ZNF609: variants seen among roughly 807,000 people sequenced by gnomAD.
The protein encoded by ZNF609 is zinc finger protein 609.
Under a neutral mutation model 109.5 loss-of-function variants are expected in ZNF609, and 11 were observed. The observed-to-expected ratio is 0.10, with a 90% confidence interval of 0.06 to 0.17. The LOEUF (loss-of-function observed/expected upper bound fraction) is 0.17, where lower values mean the gene tolerates loss of function less well. ZNF609 is among the 10% of genes least tolerant of loss of function. ZNF609 has a pLI of 1.00. For missense variants in ZNF609, 1,559 were observed against 1,772.4 expected (o/e 0.88, Z 2.16); for synonymous variants, 646 against 662.0 (o/e 0.98, Z 0.37).
intron 2 of ZNF609, among the ~76,000 whole-genome samples, chr15:64,540,694 G>C (rs756737715): frequency 3.9e-4 from 59 of 151,568 alleles, no homozygotes; most frequent in Non-Finnish European, 7.5e-4. Context: ...GTGAGATACC[G>C]TGTCCGGCCA....
intron 3 of ZNF609, among the ~76,000 whole-genome samples, chr15:64,625,608 G>A (rs1254537769): frequency 6.6e-6 from 1 of 151,872 alleles, no homozygotes; most frequent in Non-Finnish European, 1.5e-5. Context: ...ATATCTAGAG[G>A]AGCCGGGTGC....
chr15:64,642,416 C>T (rs1896275505), intron 3 of ZNF609, among the ~76,000 whole-genome samples: 1 of 152,078 alleles, frequency 6.6e-6, no homozygotes. Flanking sequence ...AGCTCCTGTC[C>T]TCAAGTGATC....
At chr15:64,550,567 C>T (rs887166725) in intron 2 of ZNF609, among the ~76,000 whole-genome samples, 4 of 151,860 alleles carry the variant, frequency 2.6e-5, no homozygotes, top group Non-Finnish European at 5.9e-5. Flanking sequence ...GAATAGATGA[C>T]CAGGCACAGT....
rs1224316586 is a variant in ZNF609 at position 64,675,559 on chromosome 15, G to C, written c.2705G>C (p.Ser902Thr). ...GGCTTTGAGAGTTACTATTCTCCAAGTTATGCACAGTCCAGCCCTGGGGCT... is the reference window on the plus strand; with the variant it reads ...GGCTTTGAGAGTTACTATTCTCCAACTTATGCACAGTCCAGCCCTGGGGCT... The part of the protein sequence containing the change: ...YQGFESYYSP[S>T]YAQSSPGALN... Residue 902 changes from serine to threonine, a missense_variant, in exon 5 of 10, where the codon AGT (serine) becomes ACT (threonine). Ser to Thr is a moderately conservative substitution (Grantham distance 58). Transcript: ENST00000326648. The C allele has an allele frequency of 3.7e-6, 6 of 1,614,214 alleles. No individual in the cohort carries two copies. Among genetic ancestry groups the C allele is most frequent in the East Asian group, 4.5e-5 (2 of 44,890 alleles).
At chr15:64,478,491 C>G (rs1893203944) in intron 1 of ZNF609, among the ~76,000 whole-genome samples, 1 of 152,080 alleles carries the variant, frequency 6.6e-6, no homozygotes, top group South Asian at 2.1e-4. Flanking sequence ...CTGCCTCAGC[C>G]TTCCAAGTAG....
intron 2 of ZNF609, among the ~76,000 whole-genome samples, chr15:64,533,733 C>T (rs1894095955): frequency 6.6e-6 from 1 of 152,076 alleles, no homozygotes; most frequent in Non-Finnish European, 1.5e-5. Flanking sequence ...ATTGAGATAA[C>T]TAGAATCACA....
intron 2 of ZNF609, among the ~76,000 whole-genome samples, chr15:64,609,797 G>T (rs1018724927): frequency 6.6e-6 from 1 of 151,204 alleles, no homozygotes; most frequent in Non-Finnish European, 1.5e-5. Context: ...GGAGGCCAAG[G>T]CGGGTGGATC....
rs145007011 is a variant in ZNF609, at chr15:64,619,201, T to C, written c.748-3626T>C. 2.1e-4 allele frequency among the ~76,000 whole-genome samples: 32 copies of C among 152,314 alleles called. No homozygotes were observed. The East Asian group carries it at 6.0e-3, about 28-fold the overall frequency. On this transcript the variant is annotated intron_variant, in intron 2 of 9. Transcript: ENST00000326648. ...TTTTTGTAAAGACAGGGTCTCACAA[T>C]GTTGCCCTGGCTGGTCTCAAACTCC...
At chr15:64,487,227 T>G (rs1893345664) in intron 1 of ZNF609, among the ~76,000 whole-genome samples, 1 of 152,190 alleles carries the variant, frequency 6.6e-6, no homozygotes, top group South Asian at 2.1e-4. Flanking sequence ...AGTTTCTTAC[T>G]GTCTCCCTCC....
intron 2 of ZNF609, among the ~76,000 whole-genome samples, chr15:64,619,801 G>T (rs1868998803): frequency 6.6e-6 from 1 of 152,126 alleles, no homozygotes; most frequent in Admixed American, 6.5e-5. Context: ...TTATTGTATA[G>T]CAGGGTATAA....
At chr15:64,544,258 T>G (rs1208768582) in intron 2 of ZNF609, among the ~76,000 whole-genome samples, 1 of 152,142 alleles carries the variant, frequency 6.6e-6, no homozygotes, top group Non-Finnish European at 1.5e-5. Context: ...GAGAATCGCT[T>G]GAACTTGGGA....
chr15:64,464,395 T>C (rs1203352091), intron 1 of ZNF609, among the ~76,000 whole-genome samples: 3 of 152,236 alleles, frequency 2.0e-5, no homozygotes, highest in African/African-American at 7.2e-5. Context: ...ACCTTAGTAC[T>C]TGTACTGCCC....
intron 2 of ZNF609, among the ~76,000 whole-genome samples, chr15:64,617,970 G>A (rs1895824705): frequency 6.6e-6 from 1 of 152,086 alleles, no homozygotes; most frequent in African/African-American, 2.4e-5. Context: ...CTGAGAATTA[G>A]CTTAACTTTT....
At chr15:64,641,234 T>TTTTTTTTTTTTGGG (rs758413589) in intron 3 of ZNF609, among the ~76,000 whole-genome samples, 2 of 140,768 alleles carry the variant, frequency 1.4e-5, no homozygotes, top group Admixed American at 7.3e-5. Context: ...TTTTTTTTTT[T>TTTTTTTTTTTTGGG]GAGATGGAGT....
chr15:64,559,268 ATAG>A (rs143458605), intron 2 of ZNF609, among the ~76,000 whole-genome samples: 3,514 of 152,334 alleles, frequency 0.023, 58 homozygotes, highest in South Asian at 0.04. Flanking sequence ...TCAAGAGGTG[ATAG>A]TAGTGAGACT....
chr15:64,512,950 A>C (rs966440530), intron 2 of ZNF609, among the ~76,000 whole-genome samples: 1 of 152,198 alleles, frequency 6.6e-6, no homozygotes, highest in Non-Finnish European at 1.5e-5. Context: ...AAGCAAACTC[A>C]TACTAGAAAA....
intron 1 of ZNF609, among the ~76,000 whole-genome samples, chr15:64,472,686 C>A (rs1009086305): frequency 2.0e-5 from 3 of 152,038 alleles, no homozygotes; most frequent in African/African-American, 7.2e-5. Flanking sequence ...ACAACATAGA[C>A]CCCATCTCTA....
chr15:64,616,681 G>A (rs1280756985), intron 2 of ZNF609, among the ~76,000 whole-genome samples: 6 of 151,134 alleles, frequency 4.0e-5, no homozygotes, highest in Non-Finnish European at 7.4e-5. Flanking sequence ...CACCACACCC[G>A]GCTAATTTTT....
intron 3 of ZNF609, among the ~76,000 whole-genome samples, chr15:64,648,197 A>G (rs1230707953): frequency 6.6e-6 from 1 of 152,244 alleles, no homozygotes; most frequent in Non-Finnish European, 1.5e-5. Flanking sequence ...AGTTAAAAAT[A>G]CGTATAAGGC....
Sources: allele counts gnomAD v4.1 joint callset (sites outside exome capture counted in the v4.1 genomes callset), GRCh38; gene constraint gnomAD v4.1.1; transcripts MANE v1.5; gene names NCBI Gene and HGNC (gene_info 2026-07-23, HGNC 2026-07-21).